CTNNA2: variants seen among roughly 807,000 people sequenced by gnomAD.
The protein encoded by CTNNA2 is catenin alpha 2.
A neutral mutation model predicts 101.0 loss-of-function variants in CTNNA2; 42 were observed. That is an observed-to-expected ratio of 0.42 (90% CI 0.32 to 0.54). CTNNA2 has a LOEUF of 0.54. Among genes scored for constraint, CTNNA2 ranks in the 20% least tolerant of loss-of-function variants. The pLI is 0.14. For synonymous variants in CTNNA2, 450 were observed against 456.4 expected (o/e 0.99, Z 0.18); for missense variants, 871 against 1,223.1 (o/e 0.71, Z 4.29).
At chr2:80,341,869 C>T (rs1408631264) in intron 7 of CTNNA2, among the ~76,000 whole-genome samples, 1 of 152,162 alleles carries the variant, frequency 6.6e-6, no homozygotes, top group East Asian at 1.9e-4. Context: ...CAAATGTCTG[C>T]TGCCTGATGA....
chr2:80,173,104 A>G (rs184590794), intron 7 of CTNNA2, among the ~76,000 whole-genome samples: 1 of 152,332 alleles, frequency 6.6e-6, no homozygotes, highest in African/African-American at 2.4e-5. Context: ...TTGAGAAGCC[A>G]TGCCTTAACA....
chr2:79,489,259 C>T, intron 4 of CTNNA2, among the ~76,000 whole-genome samples: 1 of 152,098 alleles, frequency 6.6e-6, no homozygotes, highest in East Asian at 1.9e-4. Flanking sequence ...CAAATTTTTC[C>T]TTTGCTAATT....
chr2:79,769,344 G>A (rs1264848310), intron 3 of CTNNA2, among the ~76,000 whole-genome samples: 1 of 152,144 alleles, frequency 6.6e-6, no homozygotes, highest in Non-Finnish European at 1.5e-5. Flanking sequence ...CCTTGGGCCA[G>A]CTGACTCTGA....
At chr2:80,248,953 A>G (rs150268263) in intron 7 of CTNNA2, among the ~76,000 whole-genome samples, 185 of 152,320 alleles carry the variant, frequency 1.2e-3, no homozygotes, top group Non-Finnish European at 1.7e-3. Flanking sequence ...GTGGAAATCC[A>G]TATCATTTAC....
chr2:80,586,724 T>C (rs552203543), intron 14 of CTNNA2, among the ~76,000 whole-genome samples: 2 of 152,350 alleles, frequency 1.3e-5, no homozygotes, highest in South Asian at 4.1e-4. Context: ...TATAGTATTT[T>C]AGATATCTTA....
At chr2:79,548,573 G>A (rs912721518) in intron 1 of CTNNA2, among the ~76,000 whole-genome samples, 2 of 152,134 alleles carry the variant, frequency 1.3e-5, no homozygotes. Flanking sequence ...ACATCTGTTT[G>A]GGAAGCTGAC....
intron 7 of CTNNA2, among the ~76,000 whole-genome samples, chr2:79,950,508 C>T (rs528232087): frequency 1.8e-4 from 27 of 152,278 alleles, no homozygotes; most frequent in Admixed American, 5.9e-4. Flanking sequence ...TCTGACTTTA[C>T]GGCAGGCCTT....
intron 2 of CTNNA2, among the ~76,000 whole-genome samples, chr2:79,699,593 C>T (rs1183966417): frequency 6.6e-6 from 1 of 151,208 alleles, no homozygotes; most frequent in African/African-American, 2.4e-5. Context: ...TTGCAAAGTT[C>T]TTTTTTTTAA....
rs189451170 is a variant in CTNNA2 at position 80,210,901 on chromosome 2, C to T, written c.1057-182310C>T. Among the ~76,000 whole-genome samples, 103 of 152,218 alleles carry T rather than the reference C, an allele frequency of 6.8e-4. 1 individual carries two copies. Among genetic ancestry groups the T allele is most frequent in the African/African-American group, 2.1e-3 (89 of 41,524 alleles). ...TGTTGTCTCCTGACTTTTTAATAAT[C>T]GCCATTCTAACTGGTGTGATATGGT... On this transcript the variant is annotated intron_variant, in intron 7 of 18. Coordinates refer to ENST00000402739, the MANE Select transcript of CTNNA2 (RefSeq NM_001282597.3).
In CTNNA2 at chr2:80,559,891, T is replaced by TATATATATATATATATATATACACAC. The variant is rs1553387588; in HGVS notation, c.1741+3999_1741+4000insTATATATATATATATATATACACACA. ...GCGATATCATATTTATATATATATA[T>TATATATATATATATATATATACACAC]ACACACACATACAGTAGCTCATTCT... On this transcript the variant is annotated intron_variant, in intron 12 of 18. Transcript: ENST00000402739. Among the ~76,000 whole-genome samples the TATATATATATATATATATATACACAC allele has an allele frequency of 1.1e-3, 168 of 146,816 alleles. 6 individuals are homozygous for TATATATATATATATATATATACACAC. The highest frequency in any genetic ancestry group is 4.0e-3 in the African/African-American group (154 of 38,148).
intron 3 of CTNNA2, among the ~76,000 whole-genome samples, chr2:79,350,238 G>A (rs1677357746): frequency 6.6e-6 from 1 of 151,914 alleles, no homozygotes; most frequent in African/African-American, 2.4e-5. Context: ...CTCCCAAATC[G>A]TGACAATTTT....
chr2:79,754,110 G>T (rs1387636913), intron 3 of CTNNA2, among the ~76,000 whole-genome samples: 1 of 151,966 alleles, frequency 6.6e-6, no homozygotes, highest in African/African-American at 2.4e-5. Flanking sequence ...CTTGTGATCT[G>T]CCCACCTAGG....
chr2:80,513,903 G>A (rs1183299658), intron 9 of CTNNA2, among the ~76,000 whole-genome samples: 1 of 152,086 alleles, frequency 6.6e-6, no homozygotes, highest in Non-Finnish European at 1.5e-5. Context: ...TTCTTCTTCA[G>A]TATCTATAAT....
At chr2:80,571,442 A>G (rs189769664) in intron 12 of CTNNA2, among the ~76,000 whole-genome samples, 1 of 152,328 alleles carries the variant, frequency 6.6e-6, no homozygotes, top group Admixed American at 6.5e-5. Context: ...GTGAATTATG[A>G]AAAGATTCAA....
chr2:79,280,679 G>GTA (rs1675349423), intron 2 of CTNNA2, among the ~76,000 whole-genome samples: 1 of 51,274 alleles, frequency 2.0e-5, no homozygotes, highest in African/African-American at 1.1e-4. Flanking sequence ...GAGAGAGAGA[G>GTA]AGAGAAAGAG....
intron 1 of CTNNA2, among the ~76,000 whole-genome samples, chr2:79,603,535 C>G (rs888519575): frequency 6.6e-6 from 1 of 151,864 alleles, no homozygotes; most frequent in Non-Finnish European, 1.5e-5. Flanking sequence ...TGAAGAATTC[C>G]ATAGTAATAA....
At chr2:79,441,527 C>A (rs1573167828) in intron 4 of CTNNA2, among the ~76,000 whole-genome samples, 1 of 152,238 alleles carries the variant, frequency 6.6e-6, no homozygotes, top group East Asian at 1.9e-4. Context: ...CCTTTTACAT[C>A]ATTCAAACCA....
intron 7 of CTNNA2, among the ~76,000 whole-genome samples, chr2:80,333,404 A>G (rs1203380314): frequency 2.0e-5 from 3 of 152,146 alleles, no homozygotes; most frequent in South Asian, 4.1e-4. Context: ...TAGAGTACTT[A>G]TAGTTTGTTT....
At chr2:79,832,205 A>G (rs1031954712) in intron 3 of CTNNA2, among the ~76,000 whole-genome samples, 2 of 152,170 alleles carry the variant, frequency 1.3e-5, no homozygotes, top group African/African-American at 4.8e-5. Context: ...ATGTGCTACA[A>G]ACTGTGAAAG....
Sources: allele counts gnomAD v4.1 joint callset (sites outside exome capture counted in the v4.1 genomes callset), GRCh38; gene constraint gnomAD v4.1.1; transcripts MANE v1.5; gene names NCBI Gene and HGNC (gene_info 2026-07-23, HGNC 2026-07-21).